Variants in ADSL observed in about 807,000 individuals in gnomAD.
ADSL encodes the protein adenylosuccinate lyase.
In ADSL, 44 loss-of-function variants were observed where a neutral mutation model predicts 62.1. The ratio of observed to expected loss-of-function variants is 0.71; its 90% CI spans 0.56 to 0.91. ADSL has a LOEUF of 0.91. ADSL is among the 40% of genes least tolerant of loss of function. The pLI is 0.00. For missense variants in ADSL, 531 were observed against 627.4 expected, an observed-to-expected ratio of 0.85 and a Z score of 1.64; for synonymous variants, 198 against 220.5, an observed-to-expected ratio of 0.90 and a Z score of 0.90.
intron 9 of ADSL, 27 bp from the exon 10 acceptor site, chr22:40,362,954 C>T (rs752927943): frequency 1.1e-5 from 18 of 1,585,632 alleles, no homozygotes; most frequent in Non-Finnish European, 2.6e-6. Context: ...TGTTTAAAGA[C>T]ATACTGAATG....
intron 3 of ADSL, chr22:40,354,040 C>A: frequency 1.6e-6 from 1 of 613,050 alleles, no homozygotes. Context: ...TAGTTCATGA[C>A]ATTTTAGGTA....
At chr22:40,359,631 A>G (rs1285683366) in intron 6 of ADSL, among the ~76,000 whole-genome samples, 1 of 151,738 alleles carries the variant, frequency 6.6e-6, no homozygotes, top group Non-Finnish European at 1.5e-5. Context: ...TCCGCCTCCC[A>G]GTTTCAAGCA....
chr22:40,366,531 G>T lies in ADSL; in HGVS notation c.*9G>T, dbSNP rs753842851. 4 of 1,598,932 alleles carry T rather than the reference G, an allele frequency of 2.5e-6. No individual in the cohort carries two copies. In the East Asian group the frequency reaches 8.9e-5, roughly 36 times the overall value. Reference sequence around the variant, plus strand: ...CAGAATTATGTCTGTAGAGTTGGAAGAGAATTAAACGAAAATCATTGTTAA... The same window carrying T: ...CAGAATTATGTCTGTAGAGTTGGAATAGAATTAAACGAAAATCATTGTTAA... On this transcript the variant is annotated 3_prime_UTR_variant, in exon 13 of 13. Coordinates refer to ENST00000623063, the MANE Select transcript of ADSL (RefSeq NM_000026.4).
chr22:40,359,070 CA>C, intron 5 of ADSL, 35 bp downstream of exon 5: 16 of 1,612,226 alleles, frequency 9.9e-6, no homozygotes, highest in Non-Finnish European at 1.4e-5. Context: ...CACAGAAACT[CA>C]ATGGTGGAGC....
At chr22:40,364,067 ACT>A (rs1237279523) in intron 10 of ADSL, among the ~76,000 whole-genome samples, 2 of 151,392 alleles carry the variant, frequency 1.3e-5, no homozygotes, top group African/African-American at 4.8e-5. Flanking sequence ...ACAGAGTGAG[ACT>A]CTGTCTCAAA....
intron 2 of ADSL, among the ~76,000 whole-genome samples, chr22:40,382,540 G>C (rs1281537830): frequency 6.6e-6 from 1 of 152,116 alleles, no homozygotes; most frequent in Non-Finnish European, 1.5e-5. Flanking sequence ...TGTTCTAAGA[G>C]CTAACCTCCC....
chr22:40,350,698 A>G (rs1365341092), intron 2 of ADSL, among the ~76,000 whole-genome samples: 1 of 151,794 alleles, frequency 6.6e-6, no homozygotes, highest in Non-Finnish European at 1.5e-5. Flanking sequence ...GGCTCACTGC[A>G]ACCTCTGCCT....
chr22:40,357,185 C>T (rs918770664), intron 4 of ADSL, among the ~76,000 whole-genome samples: 7 of 151,166 alleles, frequency 4.6e-5, no homozygotes, highest in African/African-American at 9.7e-5. Context: ...CGTGAGACAC[C>T]GCACCTGGCC....
intron 2 of ADSL, among the ~76,000 whole-genome samples, chr22:40,380,779 C>T (rs1409091378): frequency 6.6e-6 from 1 of 151,976 alleles, no homozygotes; most frequent in Non-Finnish European, 1.5e-5. Flanking sequence ...ACAACAGTAA[C>T]AAAAAATTAG....
intron 1 of ADSL, among the ~76,000 whole-genome samples, 162 bp from the exon 2 acceptor site, chr22:40,349,670 C>T (rs2044271258): frequency 6.6e-6 from 1 of 152,090 alleles, no homozygotes; most frequent in African/African-American, 2.4e-5. Context: ...ACCCCACTAC[C>T]CCTGGCCAGT....
intron 2 of ADSL, chr22:40,387,492 TA>T (rs1199728475): frequency 3.2e-6 from 1 of 313,264 alleles, no homozygotes; most frequent in Non-Finnish European, 5.8e-6. Flanking sequence ...TTAGGTGCCC[TA>T]ATCTCCTATG....
intron 1 of ADSL, among the ~76,000 whole-genome samples, chr22:40,347,902 T>C (rs2044203033): frequency 6.6e-6 from 1 of 152,226 alleles, no homozygotes; most frequent in South Asian, 2.1e-4. Context: ...GATGTACTAG[T>C]GTGTACTCTT....
rs754714101 is a variant in ADSL at position 40,364,895 on chromosome 22, A to T, written c.1207A>T (p.Ile403Phe). ...GTCTTCCCAGGATTGCCATGAGAAA[A>T]TCAGAGTGCTTTCTCAGCAGGCAGC... ...GGSRQDCHEK[I>F]RVLSQQAASV... Residue 403 changes from isoleucine (I) to phenylalanine (F), a missense_variant, in exon 12 of 13, where the codon ATC becomes TTC. By Grantham distance (21) the Ile-to-Phe change is conservative. Transcript: ENST00000623063. 6.2e-7 allele frequency: 1 copy of T among 1,614,222 alleles called. No homozygotes were observed. Among genetic ancestry groups the T allele is most frequent in the Admixed American group, 1.7e-5 (1 of 60,028 alleles).
chr22:40,364,406 C>G (rs1212106467), intron 11 of ADSL, 41 bp downstream of exon 11: 1 of 1,541,784 alleles, frequency 6.5e-7, no homozygotes, highest in Admixed American at 1.7e-5. Context: ...TGAGAGTGCA[C>G]GTTTGGTCCT....
intron 9 of ADSL, among the ~76,000 whole-genome samples, chr22:40,362,392 C>T (rs1385545206): frequency 2.0e-5 from 3 of 152,186 alleles, no homozygotes; most frequent in African/African-American, 7.2e-5. Context: ...TACTTTTTAG[C>T]AAGGTGTGAC....
chr22:40,383,118 C>A (rs545791120), intron 2 of ADSL, among the ~76,000 whole-genome samples: 97 of 152,268 alleles, frequency 6.4e-4, no homozygotes, highest in Non-Finnish European at 1.2e-3. Flanking sequence ...GGATTCAGCC[C>A]TTGAAGAGCT....
At chr22:40,364,477 T>A in intron 11 of ADSL, 112 bp downstream of exon 11, 1 of 937,886 alleles carries the variant, frequency 1.1e-6, no homozygotes, top group Non-Finnish European at 1.7e-6. Flanking sequence ...TCAGTCACAG[T>A]AATGGTACAG....
At chr22:40,384,060 G>T (rs2048028183) in intron 2 of ADSL, among the ~76,000 whole-genome samples, 1 of 152,080 alleles carries the variant, frequency 6.6e-6, no homozygotes, top group Admixed American at 6.5e-5. Flanking sequence ...ACCTTCCTGG[G>T]CAAGATAGTA....
At position 40,366,495 on chromosome 22, in the gene ADSL, G is replaced by A. The variant is rs773810168; in HGVS notation, c.1428G>A (p.Met476Ile). 6.2e-7 allele frequency: 1 copy of A among 1,612,916 alleles called. No individual in the cohort carries two copies. The highest frequency in any genetic ancestry group is 1.7e-5 in the Admixed American group (1 of 60,014). ...YPLLKPYESV[M>I]KVKAELCL ...TGTTAAAACCATATGAAAGCGTGAT[G>A]AAGGTGAAAGCAGAATTATGTCTGT... is the stretch of plus-strand genomic sequence containing the variant. The change falls in exon 13 of 13, where the codon ATG (methionine) becomes ATA (isoleucine). Residue 476 changes from methionine to isoleucine, a missense_variant. This residue lies in a region of ADSL where 471 missense variants were observed against 592.9 expected (regional missense o/e 0.79). Coordinates refer to ENST00000623063, the MANE Select transcript of ADSL (RefSeq NM_000026.4).
Sources: allele counts gnomAD v4.1 joint callset (sites outside exome capture counted in the v4.1 genomes callset), GRCh38; gene constraint gnomAD v4.1.1; regional missense constraint gnomAD v4.1.1; transcripts MANE v1.5; gene names NCBI Gene and HGNC (gene_info 2026-07-23, HGNC 2026-07-21).